ATXN1: variants seen among roughly 807,000 people sequenced by gnomAD.
ATXN1 encodes ataxin-1.
A neutral mutation model predicts 56.4 loss-of-function variants in ATXN1; 8 were observed. That is an observed-to-expected ratio of 0.14 (90% CI 0.08 to 0.26). The LOEUF (loss-of-function observed/expected upper bound fraction) is 0.26, where lower values mean the gene tolerates loss of function less well. ATXN1 is among the 10% of genes least tolerant of loss of function. The pLI is 1.00. For missense variants in ATXN1, 987 were observed against 1,106.5 expected, an observed-to-expected ratio of 0.89 and a Z score of 1.53; for synonymous variants, 514 against 494.6, an observed-to-expected ratio of 1.04 and a Z score of -0.52.
intron 1 of ATXN1, among the ~76,000 whole-genome samples, chr6:16,757,654 C>T (rs1014929956): frequency 2.0e-5 from 3 of 152,136 alleles, no homozygotes; most frequent in Non-Finnish European, 4.4e-5. Context: ...ACCAGTTTAG[C>T]TTTGTTGGCC....
intron 6 of ATXN1, among the ~76,000 whole-genome samples, chr6:16,448,795 G>C (rs1323840739): frequency 6.6e-6 from 1 of 152,156 alleles, no homozygotes; most frequent in Admixed American, 6.5e-5. Context: ...GTGTCTGGAC[G>C]TCCACACCAC....
At position 16,328,153 on chromosome 6, in the gene ATXN1, C is replaced by G. The variant is rs754100060; in HGVS notation, c.158G>C (p.Arg53Pro). ...TAWLPGNPGG[R>P]GHGGGRHGPA... ...CCCATGCCTCCCGCCCCCGTGGCCC[C>G]GGCCACCAGGGTTGCCCGGGAGCCA... Residue 53 changes from arginine to proline, a missense_variant, in exon 7 of 8, where the codon CGG (arginine) becomes CCG (proline). By Grantham distance (103) the Arg-to-Pro change is moderately radical. Around this residue, in one of 3 missense-constraint regions of ATXN1, gnomAD observed 723 missense variants for 791.7 expected, o/e 0.91. Coordinates refer to ENST00000436367, the MANE Select transcript of ATXN1 (RefSeq NM_001128164.2). The surrounding 1 kb of genome is among the most constrained non-coding windows in gnomAD (Gnocchi z 6.2). 131 of 1,582,916 alleles carry G rather than the reference C, an allele frequency of 8.3e-5. No individual in the cohort carries two copies. Among genetic ancestry groups the G allele is most frequent in the Non-Finnish European group, 1.1e-4 (122 of 1,161,036 alleles).
chr6:16,357,012 T>C (rs1761700866), intron 6 of ATXN1, among the ~76,000 whole-genome samples: 1 of 152,152 alleles, frequency 6.6e-6, no homozygotes, highest in Admixed American at 6.5e-5. Context: ...CACCTCTTTA[T>C]ATTCTTTTCA....
At chr6:16,497,113 C>G (rs1338597076) in intron 5 of ATXN1, among the ~76,000 whole-genome samples, 2 of 152,130 alleles carry the variant, frequency 1.3e-5, no homozygotes, top group African/African-American at 4.8e-5. Context: ...CAATGGAATT[C>G]TCCCGGGAAT....
At chr6:16,349,163 T>C (rs1761513569) in intron 6 of ATXN1, among the ~76,000 whole-genome samples, 1 of 152,192 alleles carries the variant, frequency 6.6e-6, no homozygotes, top group Admixed American at 6.5e-5. Flanking sequence ...AGAAAGGCCC[T>C]CTTCTCTACC....
chr6:16,332,920 G>C (rs1318710689), intron 6 of ATXN1, among the ~76,000 whole-genome samples: 1 of 152,184 alleles, frequency 6.6e-6, no homozygotes. Context: ...ACCCAGTCCT[G>C]CATTTTAACA....
At chr6:16,352,769 G>GT (rs943313884) in intron 6 of ATXN1, among the ~76,000 whole-genome samples, 7 of 152,168 alleles carry the variant, frequency 4.6e-5, no homozygotes, top group Admixed American at 3.3e-4. Context: ...TGTACGCTAT[G>GT]TTTTTTTCCT....
At chr6:16,693,807 C>T (rs1256169584) in intron 2 of ATXN1, among the ~76,000 whole-genome samples, 1 of 152,176 alleles carries the variant, frequency 6.6e-6, no homozygotes, top group African/African-American at 2.4e-5. Flanking sequence ...AGGAAAAGCA[C>T]AGAGAGTAAG....
At chr6:16,618,411 C>A (rs1205033048) in intron 3 of ATXN1, among the ~76,000 whole-genome samples, 2 of 152,104 alleles carry the variant, frequency 1.3e-5, no homozygotes, top group African/African-American at 4.8e-5. Context: ...ACGTGTATCC[C>A]AGAACTTAAA....
chr6:16,429,425 GTT>G (rs3072201), intron 6 of ATXN1, among the ~76,000 whole-genome samples: 14,906 of 105,682 alleles, frequency 0.14, 865 homozygotes, highest in East Asian at 0.38. Context: ...TTTTTTGTTC[GTT>G]TTTTTTTTTT....
chr6:16,449,932 T>C (rs1379978689), intron 6 of ATXN1, among the ~76,000 whole-genome samples: 1 of 152,264 alleles, frequency 6.6e-6, no homozygotes, highest in Admixed American at 6.5e-5. Flanking sequence ...CTAACACTGC[T>C]TTCAAATTTC....
At chr6:16,614,539 A>G (rs1763169225) in intron 3 of ATXN1, among the ~76,000 whole-genome samples, 3 of 151,748 alleles carry the variant, frequency 2.0e-5, no homozygotes, top group Non-Finnish European at 4.4e-5. Context: ...GTTGAAAATT[A>G]GAATAGAATA....
At chr6:16,492,218 G>C (rs1480527200) in intron 5 of ATXN1, among the ~76,000 whole-genome samples, 1 of 150,558 alleles carries the variant, frequency 6.6e-6, no homozygotes, top group African/African-American at 2.4e-5. Flanking sequence ...GGTGGGAATT[G>C]AACAATGAGA....
In ATXN1 at chr6:16,644,563, G is replaced by GGTGTGT. The variant is rs113345902; in HGVS notation, c.-489+13207_-489+13212dup. Among the ~76,000 whole-genome samples the GGTGTGT allele has an allele frequency of 7.6e-3, 1,090 of 142,894 alleles. 14 individuals are homozygous for GGTGTGT. The highest frequency in any genetic ancestry group is 0.032 in the Admixed American group (457 of 14,192). The allele number at this position is 142,894 out of a possible 152,430, so 93.7% of individuals were successfully genotyped here. The stretch of plus-strand genomic sequence containing the variant: ...ATGGTAAATTTATGGTAAATTTTAT[G>GGTGTGT]GTGTGTGTGTGTGTGTGTGTGTGTA... On this transcript the variant is annotated intron_variant, in intron 3 of 7. Coordinates refer to ENST00000436367, the MANE Select transcript of ATXN1 (RefSeq NM_001128164.2).
chr6:16,367,068 C>T (rs777652556), intron 6 of ATXN1, among the ~76,000 whole-genome samples: 14 of 152,184 alleles, frequency 9.2e-5, no homozygotes, highest in African/African-American at 2.4e-4. Context: ...CCCTGTCCTC[C>T]GACCTGTCTT....
At chr6:16,363,952 G>A (rs773167758) in intron 6 of ATXN1, among the ~76,000 whole-genome samples, 16 of 152,226 alleles carry the variant, frequency 1.1e-4, no homozygotes, top group Non-Finnish European at 2.4e-4. Context: ...TGCTGAGTCA[G>A]TGGGAATTTC....
intron 5 of ATXN1, among the ~76,000 whole-genome samples, chr6:16,494,111 AGGC>A (rs1760726128): frequency 6.6e-6 from 1 of 150,592 alleles, no homozygotes; most frequent in Non-Finnish European, 1.5e-5. Flanking sequence ...CTGGACTGAG[AGGC>A]ATCTCCAGTG....
chr6:16,624,747 A>G (rs1430201117), intron 3 of ATXN1, among the ~76,000 whole-genome samples: 2 of 152,226 alleles, frequency 1.3e-5, no homozygotes, highest in African/African-American at 2.4e-5. Flanking sequence ...CAACCTTGAC[A>G]CAACGACTCT....
chr6:16,752,593 C>G (rs1760756624), intron 2 of ATXN1, among the ~76,000 whole-genome samples: 1 of 152,192 alleles, frequency 6.6e-6, no homozygotes, highest in Non-Finnish European at 1.5e-5. Context: ...TGTTCCCAAG[C>G]CCTTACTGCC....
Sources: allele counts gnomAD v4.1 joint callset (sites outside exome capture counted in the v4.1 genomes callset), GRCh38; gene constraint gnomAD v4.1.1; regional missense constraint gnomAD v4.1.1; non-coding constraint Gnocchi (gnomAD v3.1); transcripts MANE v1.5; gene names NCBI Gene and HGNC (gene_info 2026-07-23, HGNC 2026-07-21).